ARMH3: variants seen among roughly 807,000 people sequenced by gnomAD.
ARMH3 encodes armadillo-like helical domain-containing protein 3.
Under a neutral mutation model 99.1 loss-of-function variants are expected in ARMH3, and 60 were observed. The observed-to-expected ratio is 0.61, with a 90% CI of 0.49 to 0.75. The LOEUF (loss-of-function observed/expected upper bound fraction) is 0.75, where lower values mean the gene tolerates loss of function less well. Among genes scored for constraint, ARMH3 ranks in the 30% least tolerant of loss-of-function variants. The pLI is 0.00. For missense variants in ARMH3, 679 were observed against 843.1 expected (o/e 0.81, Z 2.41); for synonymous variants, 285 against 292.8 (o/e 0.97, Z 0.27).
intron 1 of ARMH3, among the ~76,000 whole-genome samples, chr10:102,055,315 A>C (rs2067816531): frequency 6.6e-6 from 1 of 151,650 alleles, no homozygotes; most frequent in South Asian, 2.1e-4. Context: ...ATAAATAAAT[A>C]AATAAATAAA....
At chr10:101,947,837 A>AAACC (rs397958242) in intron 22 of ARMH3, among the ~76,000 whole-genome samples, 12 of 151,370 alleles carry the variant, frequency 7.9e-5, no homozygotes, top group Admixed American at 5.3e-4. Context: ...ATAAATAAAT[A>AAACC]GACCCTATAT....
At chr10:101,992,706 A>T (rs1439015259) in intron 17 of ARMH3, among the ~76,000 whole-genome samples, 1 of 152,002 alleles carries the variant, frequency 6.6e-6, no homozygotes, top group African/African-American at 2.4e-5. Flanking sequence ...CCTGTTAGCC[A>T]GGGTGGTCTC....
intron 14 of ARMH3, among the ~76,000 whole-genome samples, chr10:102,004,581 T>C (rs879726603): frequency 2.0e-5 from 3 of 152,184 alleles, no homozygotes; most frequent in Non-Finnish European, 2.9e-5. Flanking sequence ...AATGAACAGT[T>C]TGAAAGGCAG....
intron 20 of ARMH3, among the ~76,000 whole-genome samples, chr10:101,958,752 T>C (rs1477604225): frequency 6.6e-6 from 1 of 152,120 alleles, no homozygotes; most frequent in Non-Finnish European, 1.5e-5. Context: ...TCCCATGCTG[T>C]CAGAGTTTTG....
chr10:101,976,494 T>G (rs1301524695), intron 19 of ARMH3, among the ~76,000 whole-genome samples: 14 of 151,646 alleles, frequency 9.2e-5, no homozygotes, highest in Admixed American at 9.2e-4. Flanking sequence ...TAACTACTTA[T>G]AAGTCAATAA....
chr10:102,002,513 A>G (rs1466051221), intron 14 of ARMH3, among the ~76,000 whole-genome samples: 1 of 152,012 alleles, frequency 6.6e-6, no homozygotes, highest in Non-Finnish European at 1.5e-5. Flanking sequence ...ACAAGGAGAA[A>G]TCTTGCTGAA....
At chr10:102,055,636 G>A (rs757499535) in intron 1 of ARMH3, among the ~76,000 whole-genome samples, 3 of 152,204 alleles carry the variant, frequency 2.0e-5, no homozygotes, top group Non-Finnish European at 4.4e-5. Flanking sequence ...GCCCTTCCGG[G>A]ACACCTGAAG....
chr10:101,939,867 T>C lies in ARMH3; in HGVS notation c.1777A>G (p.Ile593Val), dbSNP rs1204155031. ...GAGATACTTCTCATTCCTTACCTGA[T>C]ATTAACCAATGCATGGGTCACCTTG... The part of the protein sequence containing the change: ...ASKVTHALVN[I>V]RAIINHFNPK... The change falls in exon 23 of 26, where the codon ATC becomes GTC. Residue 593 changes from isoleucine to valine, a missense_variant. By Grantham distance (29) the Ile-to-Val change is conservative. Transcript: ENST00000370033. The C allele has an allele frequency of 1.2e-6, 2 of 1,613,396 alleles. No homozygotes were observed. The highest frequency in any genetic ancestry group is 1.7e-5 in the Admixed American group (1 of 60,006).
chr10:101,984,022 G>A (rs1846345840), intron 19 of ARMH3, among the ~76,000 whole-genome samples: 2 of 152,164 alleles, frequency 1.3e-5, no homozygotes, highest in South Asian at 4.1e-4. Context: ...CAGGTAGATA[G>A]TGTCAGAATT....
chr10:102,050,148 A>T (rs2067661484), intron 1 of ARMH3, among the ~76,000 whole-genome samples: 1 of 151,120 alleles, frequency 6.6e-6, no homozygotes, highest in South Asian at 2.1e-4. Context: ...GTCTCAAAAA[A>T]TAAAAAAAAT....
intron 19 of ARMH3, among the ~76,000 whole-genome samples, chr10:101,981,259 A>C (rs549111449): frequency 6.6e-6 from 1 of 152,216 alleles, no homozygotes; most frequent in African/African-American, 2.4e-5. Context: ...AGAAAAGAAG[A>C]AAGCAGAGAA....
intron 2 of ARMH3, among the ~76,000 whole-genome samples, chr10:102,035,401 T>TCTCCCC (rs2067230579): frequency 6.6e-6 from 1 of 152,104 alleles, no homozygotes; most frequent in South Asian, 2.1e-4. Flanking sequence ...CCCTTCTCCC[T>TCTCCCC]CTCCCCACGG....
chr10:101,912,011 C>T (rs1324994666), intron 23 of ARMH3, among the ~76,000 whole-genome samples: 1 of 149,928 alleles, frequency 6.7e-6, no homozygotes, highest in Non-Finnish European at 1.5e-5. Flanking sequence ...CCAGCCTGGG[C>T]AGCAGAGCGA....
intron 23 of ARMH3, among the ~76,000 whole-genome samples, chr10:101,892,863 G>A (rs1589976341): frequency 2.0e-5 from 3 of 152,270 alleles, no homozygotes; most frequent in South Asian, 4.1e-4. Context: ...AACCAAATAC[G>A]ACAGACATGA....
intron 14 of ARMH3, among the ~76,000 whole-genome samples, chr10:102,002,918 G>A (rs990135243): frequency 6.6e-6 from 1 of 151,124 alleles, no homozygotes; most frequent in African/African-American, 2.4e-5. Context: ...CCGAGATGGC[G>A]CCACTGCACT....
chr10:101,902,786 T>C (rs372010683), intron 23 of ARMH3, among the ~76,000 whole-genome samples: 33 of 152,010 alleles, frequency 2.2e-4, no homozygotes, highest in African/African-American at 8.0e-4. Context: ...GGAGGATAAA[T>C]TTGGGGCCTG....
intron 2 of ARMH3, 72 bp from the exon 3 acceptor site, chr10:102,033,411 C>A: frequency 2.1e-6 from 3 of 1,426,256 alleles, no homozygotes; most frequent in South Asian, 2.5e-5. Flanking sequence ...TATACATAGT[C>A]AACCTTAGTT....
At chr10:102,009,072 C>T (rs573029842) in intron 13 of ARMH3, among the ~76,000 whole-genome samples, 4 of 152,110 alleles carry the variant, frequency 2.6e-5, no homozygotes, top group Admixed American at 1.3e-4. Context: ...ATCCACATAG[C>T]GGATAATACC....
At chr10:102,053,193 T>TTA in intron 1 of ARMH3, among the ~76,000 whole-genome samples, 1 of 79,530 alleles carries the variant, frequency 1.3e-5, no homozygotes, top group Middle Eastern at 0.012. Context: ...CTCCCTAACT[T>TTA]AAAAAAAACT....
Sources: allele counts gnomAD v4.1 joint callset (sites outside exome capture counted in the v4.1 genomes callset), GRCh38; gene constraint gnomAD v4.1.1; transcripts MANE v1.5; gene names NCBI Gene and HGNC (gene_info 2026-07-23, HGNC 2026-07-21).